Variants in MDFIC2 observed in about 807,000 individuals in gnomAD.
The protein encoded by MDFIC2 is MyoD family inhibitor domain containing 2, also known as myoD family inhibitor domain-containing protein 2.
In MDFIC2 at chr3:70,287,700, G is replaced by T. The variant is rs892994652; in HGVS notation, c.88+24186C>A. On this transcript the variant is annotated intron_variant, in intron 2 of 3. Transcript: ENST00000567252. ...ATCCGTCTGGTCCTGGACTCTTTTT[G>T]GTTGGTAAGCTATTGATTATTGCCA... Among the ~76,000 whole-genome samples, 425 of 151,942 alleles carry T rather than the reference G, an allele frequency of 2.8e-3. 3 individuals are homozygous for T. The highest frequency in any genetic ancestry group is 9.4e-3 in the African/African-American group (388 of 41,438).
rs1701188559 is a variant in MDFIC2, at chr3:70,197,058, G to A, written c.438C>T (p.Thr146=). ...MCCPSRRYHH[T]SDENHSRNDC... ...CATTCCGAGAGTGGTTTTCATCCGA[G>A]GTGTGGTGATACCGGCGAGAGGGGC... The change falls in exon 4 of 4, where the codon ACC becomes ACT. Residue 146 remains threonine, a synonymous_variant. Coordinates refer to ENST00000567252, the MANE Select transcript of MDFIC2 (RefSeq NM_001364677.1). 5.0e-6 allele frequency: 2 copies of A among 398,438 alleles called. No homozygotes were observed. Among genetic ancestry groups the A allele is most frequent in the Non-Finnish European group, 8.8e-6 (2 of 226,054 alleles). The allele number at this position is 398,438 out of a possible 1,614,324, so 24.7% of individuals were successfully genotyped here. A position where few individuals can be genotyped will look rare whatever the true frequency, so the allele number is the denominator to read the frequency against.
At chr3:70,280,169 A>G (rs892254407) in intron 2 of MDFIC2, among the ~76,000 whole-genome samples, 1 of 151,926 alleles carries the variant, frequency 6.6e-6, no homozygotes, top group Non-Finnish European at 1.5e-5. Context: ...CTGCACTCCA[A>G]TCTCTGTCCC....
chr3:70,298,295 T>A (rs1702310785), intron 2 of MDFIC2, among the ~76,000 whole-genome samples: 1 of 152,142 alleles, frequency 6.6e-6, no homozygotes. Flanking sequence ...ATATGTTTTA[T>A]TTTCAAGTGC....
At chr3:70,304,865 T>G (rs1230052562) in intron 2 of MDFIC2, among the ~76,000 whole-genome samples, 1 of 152,196 alleles carries the variant, frequency 6.6e-6, no homozygotes, top group Non-Finnish European at 1.5e-5. Flanking sequence ...TATTTCCAAT[T>G]TAAGCACCTT....
At chr3:70,275,927 G>A (rs1364055398) in intron 2 of MDFIC2, among the ~76,000 whole-genome samples, 1 of 151,796 alleles carries the variant, frequency 6.6e-6, no homozygotes, top group Non-Finnish European at 1.5e-5. Flanking sequence ...TGCAAATCAT[G>A]GTAACTAATC....
intron 2 of MDFIC2, among the ~76,000 whole-genome samples, chr3:70,239,930 G>A (rs192347076): frequency 1.4e-4 from 21 of 152,264 alleles, no homozygotes; most frequent in Admixed American, 1.2e-3. Flanking sequence ...CTTTGTGTGT[G>A]TGTGTGTGTT....
intron 2 of MDFIC2, among the ~76,000 whole-genome samples, chr3:70,207,357 A>G (rs1352116496): frequency 1.3e-5 from 2 of 152,078 alleles, no homozygotes; most frequent in East Asian, 1.9e-4. Flanking sequence ...TTAAGTTCCT[A>G]TTCAGGTGAT....
chr3:70,299,366 T>C (rs1702323618), intron 2 of MDFIC2, among the ~76,000 whole-genome samples: 2 of 152,176 alleles, frequency 1.3e-5, no homozygotes, highest in South Asian at 2.1e-4. Flanking sequence ...AGATGTACAG[T>C]GGCTATCTAT....
chr3:70,276,359 A>T (rs1702026033), intron 2 of MDFIC2, among the ~76,000 whole-genome samples: 1 of 152,170 alleles, frequency 6.6e-6, no homozygotes, highest in Non-Finnish European at 1.5e-5. Context: ...CCACTTTCTT[A>T]CTTCTGGAAA....
chr3:70,305,059 G>A (rs567353926), intron 2 of MDFIC2, among the ~76,000 whole-genome samples: 2 of 152,144 alleles, frequency 1.3e-5, no homozygotes, highest in South Asian at 4.2e-4. Flanking sequence ...CTTTCCCACA[G>A]AGAGAACTTC....
At chr3:70,279,446 G>A (rs575942674) in intron 2 of MDFIC2, among the ~76,000 whole-genome samples, 177 of 152,174 alleles carry the variant, frequency 1.2e-3, no homozygotes, top group African/African-American at 4.1e-3. Context: ...ACATCTCTGA[G>A]TACATTGTCA....
At chr3:70,291,677 C>G (rs910933782) in intron 2 of MDFIC2, among the ~76,000 whole-genome samples, 1 of 152,190 alleles carries the variant, frequency 6.6e-6, no homozygotes, top group African/African-American at 2.4e-5. Context: ...CTAGCTTTTT[C>G]CCACTCAGAA....
intron 2 of MDFIC2, among the ~76,000 whole-genome samples, chr3:70,283,036 A>C (rs1702104896): frequency 1.3e-5 from 2 of 152,212 alleles, no homozygotes. Flanking sequence ...CTCAATCACA[A>C]GACGTTGAGG....
At chr3:70,258,794 C>T (rs1040116799) in intron 2 of MDFIC2, among the ~76,000 whole-genome samples, 2 of 151,896 alleles carry the variant, frequency 1.3e-5, no homozygotes, top group African/African-American at 2.4e-5. Context: ...TGTTATTTAG[C>T]CAATAAAATA....
intron 2 of MDFIC2, among the ~76,000 whole-genome samples, chr3:70,217,946 G>A (rs1252242824): frequency 1.3e-5 from 2 of 152,134 alleles, no homozygotes; most frequent in African/African-American, 4.8e-5. Context: ...GATGTATACA[G>A]AGGCCTTGGA....
At chr3:70,311,788 C>G in intron 2 of MDFIC2, 98 bp downstream of exon 2, 1 of 389,182 alleles carries the variant, frequency 2.6e-6, no homozygotes, top group Non-Finnish European at 4.5e-6. Flanking sequence ...ACTATTTGAA[C>G]GGTCAGGACA....
intron 2 of MDFIC2, among the ~76,000 whole-genome samples, chr3:70,250,748 A>G (rs1376318798): frequency 1.3e-5 from 2 of 152,140 alleles, no homozygotes; most frequent in African/African-American, 4.8e-5. Flanking sequence ...GCATCTTGCA[A>G]TTTGGGACTA....
chr3:70,234,296 C>T (rs757266159), intron 2 of MDFIC2, among the ~76,000 whole-genome samples: 4 of 152,104 alleles, frequency 2.6e-5, no homozygotes, highest in Non-Finnish European at 5.9e-5. Flanking sequence ...TATTGAACAT[C>T]TACTATATGC....
chr3:70,280,369 G>A (rs926906894), intron 2 of MDFIC2, among the ~76,000 whole-genome samples: 2 of 152,042 alleles, frequency 1.3e-5, no homozygotes, highest in African/African-American at 4.8e-5. Context: ...CAGGTTCCAG[G>A]AATCAGGACC....
Sources: gnomAD v4.1 joint callset for allele counts (sites outside exome capture counted in the v4.1 genomes callset) on GRCh38, gnomAD v4.1.1 for gene constraint, MANE v1.5 for transcripts, NCBI Gene and HGNC (gene_info 2026-07-23, HGNC 2026-07-21) for gene names.